Variants in MCF2L2 observed in about 807,000 individuals in gnomAD.
MCF2L2 encodes the protein MCF.2 cell line derived transforming sequence-like 2.
A neutral mutation model predicts 150.2 loss-of-function variants in MCF2L2; 102 were observed. That is an observed-to-expected ratio of 0.68 (90% CI 0.58 to 0.80). The LOEUF is 0.80. Among genes scored for constraint, MCF2L2 ranks in the 30% least tolerant of loss-of-function variants. The probability of loss-of-function intolerance (pLI) is 0.00; values close to 1 mark genes in which losing one functional copy is unlikely to be tolerated. For synonymous variants in MCF2L2, 465 were observed against 491.3 expected, an observed-to-expected ratio of 0.95 and a Z score of 0.71; for missense variants, 1,256 against 1,372.8, an observed-to-expected ratio of 0.91 and a Z score of 1.34.
At chr3:183,198,333 A>C (rs1311738972) in intron 25 of MCF2L2, among the ~76,000 whole-genome samples, 1 of 152,214 alleles carries the variant, frequency 6.6e-6, no homozygotes, top group Non-Finnish European at 1.5e-5. Context: ...CCAGACCAAA[A>C]AAAAAAGTAC....
intron 15 of MCF2L2, among the ~76,000 whole-genome samples, chr3:183,234,894 G>A (rs1723749294): frequency 9.1e-6 from 1 of 109,960 alleles, no homozygotes; most frequent in Admixed American, 9.7e-5. Context: ...TCCCCTTCCT[G>A]TGTCCATGTG....
chr3:183,210,794 T>C (rs1340507963), intron 22 of MCF2L2, among the ~76,000 whole-genome samples: 1 of 152,116 alleles, frequency 6.6e-6, no homozygotes, highest in Non-Finnish European at 1.5e-5. Flanking sequence ...GGTTTGTGCT[T>C]TATTACCTCT....
chr3:183,399,930 T>A (rs1714651792), intron 1 of MCF2L2, among the ~76,000 whole-genome samples: 1 of 152,136 alleles, frequency 6.6e-6, no homozygotes, highest in Non-Finnish European at 1.5e-5. Context: ...TTGGTAATTT[T>A]AAAAAATAGA....
intron 10 of MCF2L2, among the ~76,000 whole-genome samples, chr3:183,301,637 C>CA (rs1366407259): frequency 2.0e-5 from 3 of 151,416 alleles, no homozygotes; most frequent in Non-Finnish European, 4.4e-5. Context: ...TCTACTAAAA[C>CA]AAAAAAAATT....
rs759999367 is a variant in MCF2L2 at position 183,427,950 on chromosome 3, G to C, written c.28C>G (p.Pro10Ala). Residue 10 changes from proline to alanine, a missense_variant, in exon 1 of 30, where the codon CCT becomes GCT. Physicochemically the swap from Pro to Ala is conservative, Grantham distance 27. Coordinates refer to ENST00000328913, the MANE Select transcript of MCF2L2 (RefSeq NM_015078.4). Reference protein sequence around the residue: MLSCLKEEMPPQELTRRLAT... With the variant: MLSCLKEEMAPQELTRRLAT... Reference sequence around the variant, plus strand: ...AGTCGCCGGGTGAGCTCCTGGGGAGGCATCTCTTCTTTTAAGCAAGACAGC... The same window carrying C: ...AGTCGCCGGGTGAGCTCCTGGGGAGCCATCTCTTCTTTTAAGCAAGACAGC... 47 of 1,613,656 alleles carry C rather than the reference G, an allele frequency of 2.9e-5. No individual in the cohort carries two copies. The highest frequency in any genetic ancestry group is 3.9e-5 in the Non-Finnish European group (46 of 1,179,774).
chr3:183,291,534 G>C (rs1577031095), intron 13 of MCF2L2, among the ~76,000 whole-genome samples: 1 of 152,332 alleles, frequency 6.6e-6, no homozygotes, highest in East Asian at 1.9e-4. Context: ...AGAAGTTGTA[G>C]CCAAGGCATC....
In MCF2L2 at chr3:183,179,417, C is replaced by T; in HGVS notation, c.3308G>A (p.Arg1103Lys). ...GGCGGAGGTCCTCGGGCGCAGCGCC[C>T]TCGCCTGGAAACCAGCCGTCGCCCC... ...PAGATAGFQA[R>K]ALRPRTSAQE... Residue 1103 changes from arginine (R) to lysine (K), a missense_variant, in exon 30 of 30, where the codon AGG (arginine) becomes AAG (lysine). Transcript: ENST00000328913. This position sits in a 1 kb window ranked among gnomAD's most constrained non-coding sequence, Gnocchi z 4.2. 1 of 1,568,424 alleles carries T rather than the reference C, an allele frequency of 6.4e-7. No homozygotes were observed. The highest frequency in any genetic ancestry group is 8.6e-7 in the Non-Finnish European group (1 of 1,156,158).
intron 21 of MCF2L2, among the ~76,000 whole-genome samples, chr3:183,218,924 A>G (rs936570280): frequency 1.3e-5 from 2 of 152,196 alleles, no homozygotes; most frequent in Non-Finnish European, 2.9e-5. Flanking sequence ...TTCTGTTTTC[A>G]ACAGGTCCTT....
At chr3:183,350,470 T>C (rs550507034) in intron 3 of MCF2L2, among the ~76,000 whole-genome samples, 16 of 152,322 alleles carry the variant, frequency 1.1e-4, no homozygotes, top group African/African-American at 3.6e-4. Context: ...GTCAGACACC[T>C]GCACAAATAC....
intron 13 of MCF2L2, 54 bp downstream of exon 13, chr3:183,295,246 A>T: frequency 6.5e-7 from 1 of 1,531,084 alleles, no homozygotes; most frequent in Non-Finnish European, 8.8e-7. Context: ...CACAGTCCTC[A>T]TGGTGCTGAT....
Position 183,179,225 on chromosome 3 carries a change from C to T in MCF2L2, c.*155G>A. 1.9e-6 allele frequency: 2 copies of T among 1,058,034 alleles called. No homozygotes were observed. Among genetic ancestry groups the T allele is most frequent in the Non-Finnish European group, 2.5e-6 (2 of 800,104 alleles). The allele number at this position is 1,058,034 out of a possible 1,614,324, so 65.5% of individuals were successfully genotyped here. ...CTAGGCGCGCACCCAGGACACCCCT[C>T]GGGCTCCTCGGAGGAGGCCCTGGTT... On this transcript the variant is annotated 3_prime_UTR_variant, in exon 30 of 30. Transcript: ENST00000328913. This position sits in a 1 kb window ranked among gnomAD's most constrained non-coding sequence, Gnocchi z 4.2.
chr3:183,376,010 T>C (rs572186468), intron 3 of MCF2L2: 1 of 152,204 alleles, frequency 6.6e-6, no homozygotes, highest in Non-Finnish European at 1.5e-5. Flanking sequence ...GGGCAGCAAG[T>C]AGTGTGAGCA....
chr3:183,341,523 C>T lies in MCF2L2; in HGVS notation c.366+17G>A. 6.3e-7 allele frequency: 1 copy of T among 1,579,486 alleles called. No homozygotes were observed. Among genetic ancestry groups the T allele is most frequent in the Non-Finnish European group, 8.7e-7 (1 of 1,148,780 alleles). On this transcript the variant is annotated intron_variant, in intron 4 of 29. Transcript: ENST00000328913. Reference sequence around the variant, plus strand: ...TTAAATGACTTTTATAATAAAAGCACAAAAATAAATATTTACAGCTATTCG... The same window carrying T: ...TTAAATGACTTTTATAATAAAAGCATAAAAATAAATATTTACAGCTATTCG...
At chr3:183,366,209 G>C (rs1712510962) in intron 3 of MCF2L2, among the ~76,000 whole-genome samples, 1 of 152,134 alleles carries the variant, frequency 6.6e-6, no homozygotes, top group African/African-American at 2.4e-5. Flanking sequence ...AGAAGGATTA[G>C]CATTGTTATC....
rs1277835112 is a variant in MCF2L2, at chr3:183,178,621, T to C, written c.*759A>G. The C allele has an allele frequency of 6.6e-6, 1 of 151,920 alleles. No homozygotes were observed. Among genetic ancestry groups the C allele is most frequent in the Non-Finnish European group, 1.5e-5 (1 of 67,978 alleles). 9.4% of individuals were successfully genotyped at this position (151,920 alleles called of 1,614,324 possible). The stretch of plus-strand genomic sequence containing the variant: ...AACTATAAACCAGTAACTGAAACTA[T>C]AAAATTAAATAACCAGAAAGCTACA... On this transcript the variant is annotated 3_prime_UTR_variant, in exon 30 of 30. Transcript: ENST00000328913.
chr3:183,257,845 A>T (rs1045362411), intron 15 of MCF2L2, among the ~76,000 whole-genome samples: 2 of 151,728 alleles, frequency 1.3e-5, no homozygotes, highest in African/African-American at 4.8e-5. Context: ...TAGCCAAACT[A>T]AGTGATTTGA....
Position 183,223,438 on chromosome 3 carries a change from C to A in MCF2L2, c.2209G>T (p.Val737Leu), listed in dbSNP as rs1334267660. The A allele has an allele frequency of 6.2e-7, 1 of 1,608,532 alleles. No homozygotes were observed. The highest frequency in any genetic ancestry group is 8.5e-7 in the Non-Finnish European group (1 of 1,175,054). ...QECQDCAYFG[V>L]CQRQLDHNLP... Reference sequence around the variant, plus strand: ...TTGTGATCCAGTTGGCGCTGGCATACCTTTAAAAGCCAAATAGAAACAACA... The same window carrying A: ...TTGTGATCCAGTTGGCGCTGGCATAACTTTAAAAGCCAAATAGAAACAACA... Residue 737 changes from valine (V) to leucine (L), a missense_variant and splice_region_variant, in exon 20 of 30, where the codon GTA becomes TTA. Physicochemically the swap from Val to Leu is conservative, Grantham distance 32. Transcript: ENST00000328913.
At chr3:183,241,017 A>C (rs1178411598) in intron 15 of MCF2L2, among the ~76,000 whole-genome samples, 2 of 152,196 alleles carry the variant, frequency 1.3e-5, no homozygotes, top group African/African-American at 2.4e-5. Flanking sequence ...CATAATCCTG[A>C]CCTTAATAAA....
intron 1 of MCF2L2, among the ~76,000 whole-genome samples, chr3:183,416,762 T>G (rs965957229): frequency 2.6e-5 from 4 of 152,022 alleles, no homozygotes; most frequent in Admixed American, 1.3e-4. Flanking sequence ...ATTCAAAATA[T>G]AAAGTACAGC....
Sources: gnomAD v4.1 joint callset for allele counts (sites outside exome capture counted in the v4.1 genomes callset) on GRCh38, gnomAD v4.1.1 for gene constraint, Gnocchi (gnomAD v3.1) non-coding constraint, MANE v1.5 for transcripts, NCBI Gene and HGNC (gene_info 2026-07-23, HGNC 2026-07-21) for gene names.